Variants in COLEC10 observed in about 807,000 individuals in gnomAD.
The protein encoded by COLEC10 is collectin subfamily member 10.
COLEC10 carries 22 observed loss-of-function variants against 28.4 expected under a neutral mutation model. The ratio of observed to expected loss-of-function variants is 0.78; its 90% CI spans 0.55 to 1.11. The LOEUF (loss-of-function observed/expected upper bound fraction) is 1.11, where lower values mean the gene tolerates loss of function less well. COLEC10 is among the 50% of genes least tolerant of loss of function. The pLI is 0.00. For missense variants in COLEC10, 361 were observed against 344.1 expected (o/e 1.05, Z -0.39); for synonymous variants, 125 against 116.1 (o/e 1.08, Z -0.49).
intron 1 of COLEC10, among the ~76,000 whole-genome samples, chr8:118,999,594 A>T (rs1265442952): frequency 1.0e-4 from 2 of 19,606 alleles, no homozygotes; most frequent in East Asian, 8.0e-3. Flanking sequence ...CCATCTCAAT[A>T]AAAAAAAAAA....
upstream of COLEC10, among the ~76,000 whole-genome samples, chr8:119,064,619 T>A (rs1383522046): frequency 6.6e-6 from 1 of 152,146 alleles, no homozygotes; most frequent in East Asian, 1.9e-4. Context: ...AAATGTTAGG[T>A]TTCTAACATC....
intron 1 of COLEC10, among the ~76,000 whole-genome samples, chr8:118,996,416 A>G (rs996253645): frequency 6.6e-5 from 10 of 152,258 alleles, no homozygotes; most frequent in African/African-American, 2.4e-4. Flanking sequence ...TTCTATTTTT[A>G]ATTTTTTGAG....
At chr8:119,026,371 T>C (rs903957595) in intron 2 of COLEC10, among the ~76,000 whole-genome samples, 2 of 151,932 alleles carry the variant, frequency 1.3e-5, no homozygotes, top group Admixed American at 1.3e-4. Context: ...CTGGGCAACA[T>C]AGCAAGACCT....
the COLEC10 span, among the ~76,000 whole-genome samples, chr8:118,981,115 A>G: frequency 1.3e-5 from 2 of 152,110 alleles, no homozygotes; most frequent in African/African-American, 2.4e-5. Flanking sequence ...TTATAACACA[A>G]TAGGGAGTGG....
chr8:119,081,132 T>C (rs1283534802), intron 1 of COLEC10, among the ~76,000 whole-genome samples: 6 of 152,186 alleles, frequency 3.9e-5, no homozygotes. Context: ...AATTAGGGTA[T>C]GCATGTTCTT....
intron 2 of COLEC10, among the ~76,000 whole-genome samples, chr8:119,057,323 T>C (rs1243716368): frequency 2.0e-5 from 3 of 152,110 alleles, no homozygotes; most frequent in African/African-American, 4.8e-5. Context: ...TCCCAAGCCA[T>C]GTGGAACTGT....
chr8:119,004,027 A>G (rs780115493), intron 1 of COLEC10, among the ~76,000 whole-genome samples: 6 of 152,096 alleles, frequency 3.9e-5, no homozygotes, highest in Non-Finnish European at 7.4e-5. Flanking sequence ...TTACTGGGAA[A>G]ACCAGGACAT....
the COLEC10 span, among the ~76,000 whole-genome samples, chr8:118,954,105 T>G: frequency 6.6e-6 from 1 of 152,244 alleles, no homozygotes; most frequent in Non-Finnish European, 1.5e-5. Context: ...TATTTTTCTA[T>G]GGTATTCGCT....
chr8:118,954,691 C>T, the COLEC10 span, among the ~76,000 whole-genome samples: 1 of 152,206 alleles, frequency 6.6e-6, no homozygotes. Context: ...TTCCTAAACT[C>T]TTCTGAATTA....
rs1814638863 is a variant in COLEC10, at chr8:119,049,421, T to TTTTTTTTTTTTTTTTTTTTTTTC, written n.235+39879_235+39880insTTTTTTTTTTTCTTTTTTTTTTT. ...CTTTTCTTTTTTTTTTTTTTTTTTT[T>TTTTTTTTTTTTTTTTTTTTTTTC]TTTTTTTTTTTGAGATGGAGTCTCG... On this transcript the variant is annotated intron_variant and non_coding_transcript_variant, in intron 2 of 6. Coordinates refer to the COLEC10 transcript ENST00000521788. Among the ~76,000 whole-genome samples the TTTTTTTTTTTTTTTTTTTTTTTC allele has an allele frequency of 1.6e-5, 2 of 122,540 alleles. 1 individual carries two copies. The highest frequency in any genetic ancestry group is 5.8e-5 in the African/African-American group (2 of 34,216). The allele number at this position is 122,540 out of a possible 152,430, so 80.4% of individuals were successfully genotyped here.
chr8:119,063,832 G>C (rs1385494), upstream of COLEC10, among the ~76,000 whole-genome samples: 6,431 of 151,996 alleles, frequency 0.042, 195 homozygotes, highest in African/African-American at 0.082. Context: ...GCTAAGCCTG[G>C]AATTCCAATA....
intron 1 of COLEC10, among the ~76,000 whole-genome samples, chr8:119,082,284 C>T (rs1484503564): frequency 6.6e-6 from 1 of 152,204 alleles, no homozygotes; most frequent in Non-Finnish European, 1.5e-5. Context: ...ACAGACCTCC[C>T]AGCAGGCTGG....
chr8:118,988,589 AC>A, the COLEC10 span, among the ~76,000 whole-genome samples: 2 of 152,178 alleles, frequency 1.3e-5, no homozygotes, highest in African/African-American at 4.8e-5. Flanking sequence ...TGTGAAGGTC[AC>A]TGCCCTGAGT....
chr8:119,086,842 A>G (rs1815490248), intron 1 of COLEC10, among the ~76,000 whole-genome samples: 1 of 152,236 alleles, frequency 6.6e-6, no homozygotes, highest in South Asian at 2.1e-4. Context: ...CTCATTGTAC[A>G]GAAGAGGAAT....
intron 2 of COLEC10, among the ~76,000 whole-genome samples, chr8:119,054,240 G>T (rs1221424903): frequency 2.6e-5 from 4 of 151,990 alleles, no homozygotes; most frequent in Non-Finnish European, 5.9e-5. Context: ...AAAAACCTAT[G>T]AATTGCTTAT....
intron 1 of COLEC10, among the ~76,000 whole-genome samples, chr8:119,008,637 T>C (rs1057439976): frequency 1.3e-5 from 2 of 150,348 alleles, no homozygotes; most frequent in East Asian, 3.9e-4. Context: ...CCCTGGTGGG[T>C]CCCTCATGGA....
chr8:119,070,472 TCTCTCCTTC>T, intron 1 of COLEC10, among the ~76,000 whole-genome samples: 1 of 124,344 alleles, frequency 8.0e-6, no homozygotes, highest in Non-Finnish European at 1.7e-5. Context: ...TCTCTCTCTC[TCTCTCCTTC>T]CCCCTCCTTC....
intron 1 of COLEC10, among the ~76,000 whole-genome samples, chr8:119,074,394 A>G (rs969693222): frequency 1.3e-5 from 2 of 152,186 alleles, no homozygotes; most frequent in Admixed American, 1.3e-4. Context: ...CATGCACCCC[A>G]TAAATGTATA....
chr8:118,952,716 A>G, the COLEC10 span, among the ~76,000 whole-genome samples: 3 of 152,224 alleles, frequency 2.0e-5, no homozygotes, highest in Non-Finnish European at 2.9e-5. Flanking sequence ...GGCTATTGGT[A>G]TCGGAGCTTC....
Sources: allele counts gnomAD v4.1 joint callset (sites outside exome capture counted in the v4.1 genomes callset), GRCh38; gene constraint gnomAD v4.1.1; transcripts MANE v1.5; gene names NCBI Gene and HGNC (gene_info 2026-07-23, HGNC 2026-07-21).